Variants in TWSG1 observed in about 807,000 individuals in gnomAD.
TWSG1 encodes twisted gastrulation BMP signaling modulator 1.
Under a neutral mutation model 23.0 loss-of-function variants are expected in TWSG1, and 15 were observed. The ratio of observed to expected loss-of-function variants is 0.65; its 90% CI spans 0.44 to 1.00. The LOEUF is 1.00. Ranked by LOEUF, TWSG1 falls within the 50% of genes least tolerant of loss-of-function variation. TWSG1 has a pLI of 0.00. For synonymous variants in TWSG1, 86 were observed against 92.8 expected, an observed-to-expected ratio of 0.93 and a Z score of 0.42; for missense variants, 242 against 278.7, an observed-to-expected ratio of 0.87 and a Z score of 0.94.
intron 3 of TWSG1, among the ~76,000 whole-genome samples, chr18:9,382,584 C>A (rs752977237): frequency 6.6e-6 from 1 of 150,926 alleles, no homozygotes; most frequent in African/African-American, 2.4e-5. Flanking sequence ...GAGGCTGAGG[C>A]GGGCAGATCA....
At chr18:9,359,204 G>A (rs2040540931) in intron 2 of TWSG1, among the ~76,000 whole-genome samples, 2 of 152,068 alleles carry the variant, frequency 1.3e-5, no homozygotes, top group African/African-American at 2.4e-5. Flanking sequence ...TTGGTTGGAA[G>A]CTGGCTGATC....
At chr18:9,359,471 C>A (rs890010241) in intron 2 of TWSG1, among the ~76,000 whole-genome samples, 13 of 152,130 alleles carry the variant, frequency 8.5e-5, no homozygotes, top group African/African-American at 3.1e-4. Flanking sequence ...AGAGGGGAGA[C>A]CTAGAGAGGG....
intron 3 of TWSG1, among the ~76,000 whole-genome samples, chr18:9,374,652 G>A (rs1469541094): frequency 6.6e-6 from 1 of 152,172 alleles, no homozygotes; most frequent in Non-Finnish European, 1.5e-5. Context: ...CAGAAGCAGA[G>A]AGAATTCTTC....
At chr18:9,396,242 G>A (rs1279253508) in intron 3 of TWSG1, 38 bp from the exon 4 acceptor site, 2 of 1,594,458 alleles carry the variant, frequency 1.3e-6, no homozygotes, top group South Asian at 1.1e-5. Context: ...TTGCAAGGCA[G>A]TAACTAACAA....
intron 2 of TWSG1, among the ~76,000 whole-genome samples, chr18:9,355,529 C>T (rs2040522620): frequency 6.6e-6 from 1 of 152,046 alleles, no homozygotes; most frequent in Non-Finnish European, 1.5e-5. Context: ...TTTTTAAGGG[C>T]ATGTAGAATG....
Position 9,399,474 on chromosome 18 carries a change from G to C in TWSG1, c.619G>C (p.Glu207Gln). ...TGCCTGCTGCGAGTGCATTGGTCCA[G>C]AATGTATTGACTATGGTAGTAAAAC... The part of the protein sequence containing the change: ...HNACCECIGP[E>Q]CIDYGSKTVK... The change falls in exon 5 of 5, where the codon GAA becomes CAA. Residue 207 changes from glutamate to glutamine, a missense_variant. Physicochemically the swap from Glu to Gln is conservative, Grantham distance 29 (BLOSUM62 2). Transcript: ENST00000262120. 2 of 1,613,930 alleles carry C rather than the reference G, an allele frequency of 1.2e-6. No individual in the cohort carries two copies. Among genetic ancestry groups the C allele is most frequent in the Non-Finnish European group, 1.7e-6 (2 of 1,179,978 alleles).
chr18:9,365,570 C>T (rs945415937), intron 3 of TWSG1, among the ~76,000 whole-genome samples: 2 of 150,928 alleles, frequency 1.3e-5, no homozygotes, highest in African/African-American at 2.4e-5. Flanking sequence ...TGGGTGGGAG[C>T]GGGGGCTGTG....
chr18:9,363,170 C>CT (rs1214716974), intron 3 of TWSG1, among the ~76,000 whole-genome samples: 4 of 152,172 alleles, frequency 2.6e-5, no homozygotes, highest in Non-Finnish European at 5.9e-5. Context: ...CTCTAGGAAA[C>CT]TTTCCCCTGT....
chr18:9,378,021 A>G (rs557984875), intron 3 of TWSG1, among the ~76,000 whole-genome samples: 18 of 152,374 alleles, frequency 1.2e-4, no homozygotes, highest in African/African-American at 4.3e-4. Flanking sequence ...GTGACTTTTT[A>G]GATACAACAC....
chr18:9,396,351 CCG>C lies in TWSG1; in HGVS notation c.296_297del (p.Pro99HisfsTer32), dbSNP rs747515413. ...GAGCACAGTGGAGGAGCTGCATGAACCGATCCCTTCTCTCTTCCGGGCACTCA... is the reference window on the plus strand; with the variant it reads ...GAGCACAGTGGAGGAGCTGCATGAACATCCCTTCTCTCTTCCGGGCACTCA... ...SKSTVEELHE[P>X]IPSLFRALTE... On this transcript the variant is annotated frameshift_variant, in exon 4 of 5. Transcript: ENST00000262120. LOFTEE classifies it high-confidence loss of function. 8.7e-6 allele frequency: 14 copies of C among 1,614,156 alleles called. No homozygotes were observed. In the South Asian group the frequency reaches 1.5e-4, roughly 18 times the overall value.
intron 2 of TWSG1, among the ~76,000 whole-genome samples, chr18:9,339,027 TG>T (rs1181857860): frequency 1.3e-5 from 2 of 151,992 alleles, no homozygotes; most frequent in African/African-American, 2.4e-5. Context: ...AGTGAGACCC[TG>T]TCTCTACAAC....
chr18:9,392,107 A>G (rs1041832963), intron 3 of TWSG1, among the ~76,000 whole-genome samples: 3 of 152,222 alleles, frequency 2.0e-5, no homozygotes, highest in African/African-American at 7.2e-5. Context: ...ACCCAAAGTT[A>G]CTAGCTGCAT....
At chr18:9,371,798 G>A (rs2040606732) in intron 3 of TWSG1, among the ~76,000 whole-genome samples, 1 of 135,464 alleles carries the variant, frequency 7.4e-6, no homozygotes, top group Non-Finnish European at 1.5e-5. Flanking sequence ...TTGAGACAGA[G>A]TCTCGCACTG....
At chr18:9,375,220 T>TAAAAAA (rs1345055910) in intron 3 of TWSG1, among the ~76,000 whole-genome samples, 1 of 128,896 alleles carries the variant, frequency 7.8e-6, no homozygotes, top group African/African-American at 2.8e-5. Flanking sequence ...ATCAACAAGT[T>TAAAAAA]AAAAAAGAAA....
intron 2 of TWSG1, among the ~76,000 whole-genome samples, chr18:9,349,239 C>G (rs542023340): frequency 6.6e-6 from 1 of 152,172 alleles, no homozygotes; most frequent in African/African-American, 2.4e-5. Flanking sequence ...AAATTTGGAT[C>G]AATATTATGC....
intron 3 of TWSG1, among the ~76,000 whole-genome samples, chr18:9,376,369 C>T (rs1157652309): frequency 1.3e-5 from 2 of 152,174 alleles, no homozygotes; most frequent in Admixed American, 6.5e-5. Flanking sequence ...AGGACTGATA[C>T]TACTGGACTT....
rs73383447 is a variant in TWSG1, at chr18:9,389,576, T to G, written c.224-6704T>G. On this transcript the variant is annotated intron_variant, in intron 3 of 4. Coordinates refer to ENST00000262120, the MANE Select transcript of TWSG1 (RefSeq NM_020648.6). ...GTCATACAACCTAAGTTATTCAAGT[T>G]CAGCTGTATTGAAAAATGTGATGAA... Among the ~76,000 whole-genome samples, 680 of 152,292 alleles carry G rather than the reference T, an allele frequency of 4.5e-3. 4 individuals carry two copies. The highest frequency in any genetic ancestry group is 0.015 in the African/African-American group (624 of 41,566).
rs551359329 is a variant in TWSG1 at position 9,340,227 on chromosome 18, G to T, written c.123+2875G>T. On this transcript the variant is annotated intron_variant, in intron 2 of 4. Transcript: ENST00000262120. ...ACTAAAAATACGAAAAATTAGCCAGGCGTGGTGATGGGCGCCTGTAGTCCC... is the reference window on the plus strand; with the variant it reads ...ACTAAAAATACGAAAAATTAGCCAGTCGTGGTGATGGGCGCCTGTAGTCCC... Among the ~76,000 whole-genome samples the T allele has an allele frequency of 8.6e-5, 13 of 151,946 alleles. No individual in the cohort carries two copies. In the South Asian group the frequency reaches 1.0e-3, roughly 12 times the overall value.
rs557763215 is a variant in TWSG1, at chr18:9,386,953, C to G, written c.224-9327C>G. Among the ~76,000 whole-genome samples the G allele has an allele frequency of 5.9e-5, 9 of 152,250 alleles. No homozygotes were observed. In the South Asian group the frequency reaches 1.9e-3, roughly 32 times the overall value. On this transcript the variant is annotated intron_variant, in intron 3 of 4. Transcript: ENST00000262120. ...AAACATTTTTAGACAAATAAGAACT[C>G]AAAGTTTACTTCTCACCTACCGTTT...
Sources: gnomAD v4.1 joint callset for allele counts (sites outside exome capture counted in the v4.1 genomes callset) on GRCh38, gnomAD v4.1.1 for gene constraint, MANE v1.5 for transcripts, NCBI Gene and HGNC (gene_info 2026-07-23, HGNC 2026-07-21) for gene names.